FAM193A: variants seen among roughly 807,000 people sequenced by gnomAD.
FAM193A encodes protein FAM193A.
A neutral mutation model predicts 126.5 loss-of-function variants in FAM193A; 22 were observed. The observed-to-expected ratio is 0.17, with a 90% CI of 0.12 to 0.25. The LOEUF (loss-of-function observed/expected upper bound fraction) is 0.25. Ranked by LOEUF, FAM193A falls within the 10% of genes least tolerant of loss-of-function variation. The pLI is 1.00. For synonymous variants in FAM193A, 761 were observed against 646.8 expected (o/e 1.18, Z -2.68); for missense variants, 1,675 against 1,672.8 (o/e 1.00, Z -0.02).
At chr4:2,692,811 G>T (rs1244946139) in intron 15 of FAM193A, among the ~76,000 whole-genome samples, 1 of 146,164 alleles carries the variant, frequency 6.8e-6, no homozygotes, top group Non-Finnish European at 1.5e-5. Context: ...AAATGCCAGT[G>T]AGGTGATCAT....
chr4:2,720,647 T>TA (rs200511084), intron 20 of FAM193A, among the ~76,000 whole-genome samples: 4,787 of 118,720 alleles, frequency 0.04, 243 homozygotes, highest in African/African-American at 0.13. Context: ...AGACTCTGTC[T>TA]AAAAAAAAAA....
intron 7 of FAM193A, among the ~76,000 whole-genome samples, chr4:2,652,500 A>G (rs1745767386): frequency 6.6e-6 from 1 of 152,184 alleles, no homozygotes; most frequent in Admixed American, 6.5e-5. Flanking sequence ...GCCTCGGGAA[A>G]CTTACAATCA....
chr4:2,627,744 ATTTT>A (rs764315526), intron 4 of FAM193A, among the ~76,000 whole-genome samples: 2 of 113,460 alleles, frequency 1.8e-5, no homozygotes, highest in Admixed American at 8.6e-5. Context: ...TGCCCAGCTA[ATTTT>A]TTTTTTTTTT....
intron 1 of FAM193A, among the ~76,000 whole-genome samples, chr4:2,581,809 A>G (rs368264965): frequency 2.0e-5 from 3 of 151,582 alleles, no homozygotes; most frequent in East Asian, 2.0e-4. Flanking sequence ...CCCCGCCACC[A>G]TGCACGGCTA....
At chr4:2,592,784 G>T (rs1577050292) in intron 1 of FAM193A, among the ~76,000 whole-genome samples, 4 of 152,282 alleles carry the variant, frequency 2.6e-5, no homozygotes, top group Admixed American at 2.6e-4. Flanking sequence ...TCTGCATAGG[G>T]TTCTCCCCAA....
intron 1 of FAM193A, among the ~76,000 whole-genome samples, chr4:2,581,926 T>G (rs563132712): frequency 6.6e-6 from 1 of 152,214 alleles, no homozygotes; most frequent in Non-Finnish European, 1.5e-5. Context: ...GTGCTGGGAT[T>G]ACAGGCGTGA....
intron 2 of FAM193A, among the ~76,000 whole-genome samples, chr4:2,617,867 T>A (rs1258229248): frequency 2.0e-5 from 3 of 152,220 alleles, no homozygotes; most frequent in African/African-American, 7.2e-5. Flanking sequence ...AAATAAGTTC[T>A]TGACCCACAT....
intron 18 of FAM193A, among the ~76,000 whole-genome samples, chr4:2,696,929 A>T (rs1398179817): frequency 6.6e-6 from 1 of 152,118 alleles, no homozygotes; most frequent in African/African-American, 2.4e-5. Context: ...TGTAGAGATG[A>T]TAGAAGAAAG....
intron 1 of FAM193A, among the ~76,000 whole-genome samples, chr4:2,574,638 G>A (rs922569344): frequency 1.3e-5 from 2 of 152,266 alleles, no homozygotes; most frequent in East Asian, 1.9e-4. Context: ...AAGCAAAACC[G>A]TGCTTTCCAG....
rs372757629 is a variant in FAM193A at position 2,608,775 on chromosome 4, A to T, written c.501+12446A>T. Among the ~76,000 whole-genome samples, 42 of 152,284 alleles carry T rather than the reference A, an allele frequency of 2.8e-4. 1 individual carries two copies. Among genetic ancestry groups the T allele is most frequent in the African/African-American group, 1.0e-3 (42 of 41,558 alleles). On this transcript the variant is annotated intron_variant, in intron 2 of 20. Transcript: ENST00000637812. ...ATAGACCTGCAAGGGGACAGGCCTG[A>T]CTAAACAAATCTTGCTCCTTAATAG...
At chr4:2,579,424 G>A (rs568831326) in intron 1 of FAM193A, among the ~76,000 whole-genome samples, 6 of 152,220 alleles carry the variant, frequency 3.9e-5, no homozygotes, top group African/African-American at 1.2e-4. Context: ...CTGGCTGGAC[G>A]TGGTGGCTCA....
intron 20 of FAM193A, among the ~76,000 whole-genome samples, chr4:2,729,560 G>T (rs1721145948): frequency 6.6e-6 from 1 of 152,198 alleles, no homozygotes; most frequent in African/African-American, 2.4e-5. Flanking sequence ...ACTTGCCTCA[G>T]TCTCTTCTTC....
intron 2 of FAM193A, among the ~76,000 whole-genome samples, chr4:2,612,225 C>T (rs768012912): frequency 5.3e-5 from 8 of 151,374 alleles, no homozygotes; most frequent in South Asian, 2.1e-4. Flanking sequence ...TTGCCCTGGC[C>T]GGGCCGTGGC....
At chr4:2,592,808 C>T (rs959499675) in intron 1 of FAM193A, among the ~76,000 whole-genome samples, 6 of 152,168 alleles carry the variant, frequency 3.9e-5, no homozygotes, top group Non-Finnish European at 4.4e-5. Flanking sequence ...CAGCTGAGGG[C>T]GCATAAGCAC....
At position 2,626,479 on chromosome 4, in the gene FAM193A, G is replaced by A. The variant is rs572223693; in HGVS notation, c.705G>A (p.Thr235=). 7.7e-5 allele frequency: 54 copies of A among 702,654 alleles called. 1 individual carries two copies. Among genetic ancestry groups the A allele is most frequent in the East Asian group, 6.2e-4 (23 of 37,272 alleles). 43.5% of individuals were successfully genotyped at this position (702,654 alleles called of 1,614,324 possible). The change falls in exon 4 of 21, where the codon ACG becomes ACA. Residue 235 remains threonine (T), a synonymous_variant. Coordinates refer to ENST00000637812, the MANE Select transcript of FAM193A (RefSeq NM_001366318.2). ...LQNYWSEVRY[T]VRCIYRQAGT... ...ACTACTGGTCAGAAGTGCGCTACAC[G>A]GTGCGCTGCATCTACCGCCAGGCAG...
chr4:2,670,352 C>T (rs1378855508), intron 12 of FAM193A, among the ~76,000 whole-genome samples: 3 of 151,868 alleles, frequency 2.0e-5, no homozygotes, highest in African/African-American at 7.3e-5. Context: ...TCCTTTAATT[C>T]TCTGAACATG....
At chr4:2,618,776 G>A (rs1471281158) in intron 2 of FAM193A, among the ~76,000 whole-genome samples, 1 of 151,958 alleles carries the variant, frequency 6.6e-6, no homozygotes, top group Non-Finnish European at 1.5e-5. Context: ...TGTATTTTTA[G>A]AAGGGACAAG....
chr4:2,594,036 A>G (rs559486395), intron 1 of FAM193A, among the ~76,000 whole-genome samples: 27 of 152,240 alleles, frequency 1.8e-4, no homozygotes, highest in African/African-American at 6.0e-4. Context: ...TCAGCTCAGG[A>G]TGGCTGCTGA....
intron 13 of FAM193A, among the ~76,000 whole-genome samples, chr4:2,680,182 C>T (rs1714941221): frequency 6.6e-6 from 1 of 151,860 alleles, no homozygotes; most frequent in African/African-American, 2.4e-5. Flanking sequence ...TTTTGATTAC[C>T]AGTTCAATCT....
Sources: gnomAD v4.1 joint callset for allele counts (sites outside exome capture counted in the v4.1 genomes callset) on GRCh38, gnomAD v4.1.1 for gene constraint, MANE v1.5 for transcripts, NCBI Gene and HGNC (gene_info 2026-07-23, HGNC 2026-07-21) for gene names.